LANCL2: variants seen among roughly 807,000 people sequenced by gnomAD.
LANCL2 encodes the protein LanC like glutathione S-transferase 2, also known as lanC-like protein 2.
In LANCL2, 33 loss-of-function variants were observed where a neutral mutation model predicts 56.9. The ratio of observed to expected loss-of-function variants is 0.58; its 90% confidence interval spans 0.44 to 0.78. The LOEUF (loss-of-function observed/expected upper bound fraction) is 0.78. Among genes scored for constraint, LANCL2 ranks in the 30% least tolerant of loss-of-function variants. The probability of loss-of-function intolerance (pLI) is 0.00; values close to 1 mark genes in which losing one functional copy is unlikely to be tolerated. For synonymous variants in LANCL2, 233 were observed against 228.2 expected, an observed-to-expected ratio of 1.02 and a Z score of -0.19; for missense variants, 562 against 580.2, an observed-to-expected ratio of 0.97 and a Z score of 0.32.
intron 6 of LANCL2, among the ~76,000 whole-genome samples, chr7:55,414,140 T>G (rs1483272644): frequency 6.6e-6 from 1 of 152,224 alleles, no homozygotes; most frequent in Admixed American, 6.5e-5. Flanking sequence ...ATACATCTTC[T>G]TCATAGTATA....
At chr7:55,409,594 G>C (rs1790450067) in intron 5 of LANCL2, among the ~76,000 whole-genome samples, 1 of 152,202 alleles carries the variant, frequency 6.6e-6, no homozygotes, top group Non-Finnish European at 1.5e-5. Context: ...ATCCAGGGAA[G>C]AGGGGCTCCC....
chr7:55,400,972 T>G (rs1311754938), intron 4 of LANCL2, among the ~76,000 whole-genome samples: 1 of 152,218 alleles, frequency 6.6e-6, no homozygotes, highest in East Asian at 1.9e-4. Context: ...ACTCTGACAT[T>G]GGCTCCTGAT....
intron 6 of LANCL2, among the ~76,000 whole-genome samples, chr7:55,424,799 C>T (rs1790645301): frequency 6.6e-6 from 1 of 152,172 alleles, no homozygotes; most frequent in Admixed American, 6.5e-5. Flanking sequence ...ACAGTCGCTC[C>T]CCATCACTTG....
Position 55,402,769 on chromosome 7 carries a change from GT to G in LANCL2, c.825+1451del, listed in dbSNP as rs1235876867. Among the ~76,000 whole-genome samples the G allele has an allele frequency of 3.2e-5, 4 of 123,952 alleles. 1 individual carries two copies. Among genetic ancestry groups the G allele is most frequent in the Non-Finnish European group, 7.1e-5 (4 of 56,614 alleles). 81.3% of individuals were successfully genotyped at this position (123,952 alleles called of 152,430 possible). A position where few individuals can be genotyped will look rare whatever the true frequency, so the allele number is the denominator to read the frequency against. Reference sequence around the variant, plus strand: ...CGCTCCTCACTTCTCAGACGGGGCGGTTGCCGGGCGGAGGGTCTCCTCACTT... The same window carrying G: ...CGCTCCTCACTTCTCAGACGGGGCGGTGCCGGGCGGAGGGTCTCCTCACTT... On this transcript the variant is annotated intron_variant, in intron 5 of 8. Coordinates refer to ENST00000254770, the MANE Select transcript of LANCL2 (RefSeq NM_018697.4).
chr7:55,416,515 A>G (rs971303230), intron 6 of LANCL2, among the ~76,000 whole-genome samples: 2 of 152,266 alleles, frequency 1.3e-5, no homozygotes, highest in Non-Finnish European at 2.9e-5. Context: ...TCGTGGACTC[A>G]AGCAATCTTC....
At chr7:55,403,167 G>A (rs556156946) in intron 5 of LANCL2, among the ~76,000 whole-genome samples, 1 of 152,382 alleles carries the variant, frequency 6.6e-6, no homozygotes, top group African/African-American at 2.4e-5. Context: ...CTGAGTGAGT[G>A]AACGCGACTC....
chr7:55,366,422 C>T (rs182366592), intron 1 of LANCL2, among the ~76,000 whole-genome samples, 193 bp downstream of exon 1: 57 of 152,380 alleles, frequency 3.7e-4, no homozygotes, highest in Middle Eastern at 3.4e-3. Context: ...GCATGAACCA[C>T]GTTCCAGCAG....
intron 8 of LANCL2, among the ~76,000 whole-genome samples, chr7:55,430,271 A>G (rs1364080697): frequency 1.3e-5 from 2 of 152,254 alleles, no homozygotes; most frequent in Non-Finnish European, 2.9e-5. Context: ...ATGGGTAAAC[A>G]ATCTGCAGTG....
chr7:55,423,266 G>A lies in LANCL2; in HGVS notation c.1009-1988G>A, dbSNP rs1790628121. 3.3e-5 allele frequency among the ~76,000 whole-genome samples: 5 copies of A among 152,330 alleles called. 1 individual carries two copies. The South Asian group carries it at 1.0e-3, about 32-fold the overall frequency. ...GGGCATGGTAGGCTGCTGGTGCTGAGAAGCAGCAGTGCAGGCTGCATTGTG... is the reference window on the plus strand; with the variant it reads ...GGGCATGGTAGGCTGCTGGTGCTGAAAAGCAGCAGTGCAGGCTGCATTGTG... On this transcript the variant is annotated intron_variant, in intron 6 of 8. Coordinates refer to ENST00000254770, the MANE Select transcript of LANCL2 (RefSeq NM_018697.4).
At position 55,433,517 on chromosome 7, in the gene LANCL2, G is replaced by T. The variant is rs1327025111; in HGVS notation, c.*2197G>T. 6.6e-6 allele frequency: 1 copy of T among 152,236 alleles called. No homozygotes were observed. The highest frequency in any genetic ancestry group is 1.5e-5 in the Non-Finnish European group (1 of 68,046). 9.4% of individuals were successfully genotyped at this position (152,236 alleles called of 1,614,324 possible). ...TACTTCACAGGACAGAGGATTGACAGAAGTCAGTTTAAGATAAGTGTTTGA... is the reference window on the plus strand; with the variant it reads ...TACTTCACAGGACAGAGGATTGACATAAGTCAGTTTAAGATAAGTGTTTGA... On this transcript the variant is annotated 3_prime_UTR_variant, in exon 9 of 9. Coordinates refer to ENST00000254770, the MANE Select transcript of LANCL2 (RefSeq NM_018697.4).
intron 5 of LANCL2, among the ~76,000 whole-genome samples, chr7:55,402,844 C>T (rs1309986403): frequency 3.5e-5 from 5 of 143,834 alleles, no homozygotes; most frequent in East Asian, 2.0e-4. Flanking sequence ...CCAGACGGGG[C>T]GGCAGGGCAG....
At chr7:55,412,878 T>C (rs1308882934) in intron 6 of LANCL2, among the ~76,000 whole-genome samples, 3 of 152,242 alleles carry the variant, frequency 2.0e-5, no homozygotes, top group African/African-American at 7.2e-5. Context: ...GTGGAATTAA[T>C]GGAGTGGAAC....
At chr7:55,394,841 G>A (rs935140374) in intron 2 of LANCL2, among the ~76,000 whole-genome samples, 13 of 152,014 alleles carry the variant, frequency 8.6e-5, no homozygotes, top group African/African-American at 3.1e-4. Flanking sequence ...GCGGGCAGGC[G>A]GTGTGCCAGG....
intron 1 of LANCL2, chr7:55,379,573 C>T (rs1297878892): frequency 6.6e-6 from 1 of 152,628 alleles, no homozygotes; most frequent in African/African-American, 2.4e-5. Context: ...TGGGTTCTGC[C>T]ACTGCAGGTA....
At chr7:55,405,864 G>C (rs1052169948) in intron 5 of LANCL2, among the ~76,000 whole-genome samples, 1 of 150,166 alleles carries the variant, frequency 6.7e-6, no homozygotes, top group Non-Finnish European at 1.5e-5. Context: ...ATTGAGCCAG[G>C]TTTTCTTTCA....
At chr7:55,373,479 G>C (rs1789968473) in intron 1 of LANCL2, among the ~76,000 whole-genome samples, 3 of 151,544 alleles carry the variant, frequency 2.0e-5, no homozygotes. Flanking sequence ...TTTGTGTGTG[G>C]AGATGGGGTC....
chr7:55,420,702 C>A (rs747235969), intron 6 of LANCL2, among the ~76,000 whole-genome samples: 5 of 152,202 alleles, frequency 3.3e-5, no homozygotes, highest in Non-Finnish European at 5.9e-5. Flanking sequence ...GCAGCCACAG[C>A]CAGTGTGTGA....
At chr7:55,411,195 A>C (rs1583760287) in intron 5 of LANCL2, among the ~76,000 whole-genome samples, 1 of 152,178 alleles carries the variant, frequency 6.6e-6, no homozygotes. Context: ...CTGTACAGTA[A>C]CTTGAGACTC....
At position 55,365,867 on chromosome 7, in the gene LANCL2, C is replaced by A. The variant is rs975991430; in HGVS notation, c.-159C>A. ...GATGTGCGAGCAGCCCGCGACGAGG[C>A]AGTGCACGCTCAGACGCCCCGCTCC... On this transcript the variant is annotated 5_prime_UTR_variant, in exon 1 of 9. Transcript: ENST00000254770. 6.0e-6 allele frequency: 3 copies of A among 501,928 alleles called. No individual in the cohort carries two copies. Among genetic ancestry groups the A allele is most frequent in the African/African-American group, 2.0e-5 (1 of 49,300 alleles). 31.1% of individuals were successfully genotyped at this position (501,928 alleles called of 1,614,324 possible).
Sources: allele counts gnomAD v4.1 joint callset (sites outside exome capture counted in the v4.1 genomes callset), GRCh38; gene constraint gnomAD v4.1.1; transcripts MANE v1.5; gene names NCBI Gene and HGNC (gene_info 2026-07-23, HGNC 2026-07-21).